Variants in HAUS6 observed in about 807,000 individuals in gnomAD.
HAUS6 encodes HAUS augmin like complex subunit 6.
A neutral mutation model predicts 106.8 loss-of-function variants in HAUS6; 80 were observed. The observed-to-expected ratio is 0.75, with a 90% CI of 0.63 to 0.90. HAUS6 has a LOEUF of 0.90. Ranked by LOEUF, HAUS6 falls within the 40% of genes least tolerant of loss-of-function variation. The pLI is 0.00. For missense variants in HAUS6, 1,155 were observed against 1,118.1 expected, an observed-to-expected ratio of 1.03 and a Z score of -0.47; for synonymous variants, 356 against 379.1, an observed-to-expected ratio of 0.94 and a Z score of 0.71.
chr9:19,084,149 T>G (rs1837229544), intron 7 of HAUS6, among the ~76,000 whole-genome samples: 1 of 151,906 alleles, frequency 6.6e-6, no homozygotes, highest in South Asian at 2.1e-4. Context: ...AAGGGTACAT[T>G]GGTGCTATAT....
chr9:19,064,250 A>G (rs1320582591), intron 12 of HAUS6, among the ~76,000 whole-genome samples: 1 of 152,182 alleles, frequency 6.6e-6, no homozygotes, highest in African/African-American at 2.4e-5. Flanking sequence ...TACAGGTGTG[A>G]GCCACCACAC....
At chr9:19,092,069 G>T (rs1456676072) in intron 4 of HAUS6, among the ~76,000 whole-genome samples, 1 of 152,030 alleles carries the variant, frequency 6.6e-6, no homozygotes. Flanking sequence ...GATTCCACTG[G>T]AACCTATCAG....
intron 5 of HAUS6, among the ~76,000 whole-genome samples, chr9:19,089,088 C>T (rs566500099): frequency 2.0e-5 from 3 of 151,982 alleles, no homozygotes; most frequent in African/African-American, 7.2e-5. Context: ...ATTAAAAATA[C>T]AAAAATTAGC....
In HAUS6 at chr9:19,060,235, A is replaced by T; in HGVS notation, c.1630-12T>A. ...ACTGCTCTGGCAACCTAAAACAGAAAAGAAAAAGTAAAGCAAAGATTACCA... is the reference window on the plus strand; with the variant it reads ...ACTGCTCTGGCAACCTAAAACAGAATAGAAAAAGTAAAGCAAAGATTACCA... On this transcript the variant is annotated splice_polypyrimidine_tract_variant and intron_variant, in intron 14 of 16. Coordinates refer to ENST00000380502, the MANE Select transcript of HAUS6 (RefSeq NM_017645.5). 6.6e-7 allele frequency: 1 copy of T among 1,514,186 alleles called. No homozygotes were observed. Among genetic ancestry groups the T allele is most frequent in the Non-Finnish European group, 8.8e-7 (1 of 1,134,872 alleles). The allele number at this position is 1,514,186 out of a possible 1,614,324, so 93.8% of individuals were successfully genotyped here.
chr9:19,080,446 C>T, intron 9 of HAUS6, 33 bp downstream of exon 9: 1 of 1,434,968 alleles, frequency 7.0e-7, no homozygotes, highest in Non-Finnish European at 9.8e-7. Context: ...CCCTACTCCT[C>T]CCACAGTAAA....
chr9:19,080,174 C>CCAA (rs1554689922), intron 9 of HAUS6, among the ~76,000 whole-genome samples: 1 of 37,592 alleles, frequency 2.7e-5, no homozygotes, highest in African/African-American at 8.9e-5. Context: ...AACTCCGTCT[C>CCAA]AAAAAAAAAA....
intron 7 of HAUS6, 53 bp from the exon 8 acceptor site, chr9:19,083,096 T>G (rs1564016333): frequency 1.9e-6 from 2 of 1,066,212 alleles, no homozygotes; most frequent in Non-Finnish European, 2.6e-6. Flanking sequence ...GTACATATTT[T>G]AAAAATGTAA....
At position 19,102,640 on chromosome 9, in the gene HAUS6, G is replaced by A; in HGVS notation, c.12C>T (p.Ala4=). 1.9e-6 allele frequency: 3 copies of A among 1,612,254 alleles called. No homozygotes were observed. The highest frequency in any genetic ancestry group is 1.7e-6 in the Non-Finnish European group (2 of 1,179,068). Residue 4 remains alanine (A), a synonymous_variant, in exon 1 of 17, where the codon GCC becomes GCT. Transcript: ENST00000380502. ...GCTCCTTCTCGAAAGCGGTGACCGA[G>A]GCCGAGCTCATCCTCGCGGTAGGCA... MSS[A]SVTAFEKEHL...
At chr9:19,080,746 T>C (rs1052198698) in intron 8 of HAUS6, 74 bp from the exon 9 acceptor site, 21 of 816,184 alleles carry the variant, frequency 2.6e-5, no homozygotes, top group Non-Finnish European at 3.9e-5. Flanking sequence ...AAAATATTTA[T>C]GTTTTTTACT....
intron 8 of HAUS6, 122 bp downstream of exon 8, chr9:19,082,751 C>CA (rs537493577): frequency 0.027 from 13,048 of 483,876 alleles, 1 homozygote; most frequent in East Asian, 0.041. Context: ...AATTCTGTCT[C>CA]AAAAAAAAAA....
In HAUS6 at chr9:19,058,040, T is replaced by A. The variant is rs1371441938; in HGVS notation, c.2727A>T (p.Pro909=). The A allele has an allele frequency of 6.2e-7, 1 of 1,612,432 alleles. No homozygotes were observed. Among genetic ancestry groups the A allele is most frequent in the Non-Finnish European group, 8.5e-7 (1 of 1,178,430 alleles). The change falls in exon 16 of 17, where the codon CCA becomes CCT. Residue 909 remains proline (P), a synonymous_variant. Coordinates refer to ENST00000380502, the MANE Select transcript of HAUS6 (RefSeq NM_017645.5). Reference sequence around the variant, plus strand: ...GTTCCACTGGAGAAAACTTAATTAGTGGTGAAAGAGACCGTTTTCTTTCAC... The same window carrying A: ...GTTCCACTGGAGAAAACTTAATTAGAGGTGAAAGAGACCGTTTTCTTTCAC... ...SIGERKRSLS[P]LIKFSPVEQR...
At chr9:19,096,909 C>T in intron 1 of HAUS6, 140 bp from the exon 2 acceptor site, 1 of 470,658 alleles carries the variant, frequency 2.1e-6, no homozygotes, top group Non-Finnish European at 3.8e-6. Flanking sequence ...TTTTCTCATT[C>T]ATGTGTATTT....
At chr9:19,101,819 C>G (rs944555818) in intron 1 of HAUS6, among the ~76,000 whole-genome samples, 1 of 151,976 alleles carries the variant, frequency 6.6e-6, no homozygotes, top group Non-Finnish European at 1.5e-5. Flanking sequence ...ACTCGGGAGG[C>G]TGAGGCAGGA....
At chr9:19,096,102 T>A (rs779790852) in intron 2 of HAUS6, among the ~76,000 whole-genome samples, 1 of 152,152 alleles carries the variant, frequency 6.6e-6, no homozygotes, top group East Asian at 1.9e-4. Flanking sequence ...GTAAATAAAA[T>A]GTTAAGAAAT....
intron 1 of HAUS6, 140 bp downstream of exon 1, chr9:19,102,384 G>C: frequency 1.1e-6 from 1 of 924,468 alleles, no homozygotes; most frequent in Non-Finnish European, 1.6e-6. Context: ...ACTGGGAGTA[G>C]GAACTTTGGA....
chr9:19,101,143 T>C (rs979301108), intron 1 of HAUS6, among the ~76,000 whole-genome samples: 1 of 152,218 alleles, frequency 6.6e-6, no homozygotes, highest in Non-Finnish European at 1.5e-5. Flanking sequence ...GCTATCCCAT[T>C]TATCCTGATC....
At chr9:19,092,916 C>CAAAAAAA (rs71494998) in intron 4 of HAUS6, among the ~76,000 whole-genome samples, 2 of 76,228 alleles carry the variant, frequency 2.6e-5, no homozygotes, top group African/African-American at 4.2e-5. Context: ...AACTGTGTCT[C>CAAAAAAA]AAAAAAAAAA....
chr9:19,085,551 T>C (rs974297599), intron 7 of HAUS6, among the ~76,000 whole-genome samples: 2 of 150,344 alleles, frequency 1.3e-5, no homozygotes, highest in Non-Finnish European at 2.9e-5. Context: ...GCCAAATTTA[T>C]ACCCACAGCA....
chr9:19,064,085 A>G (rs1836704941), intron 12 of HAUS6, among the ~76,000 whole-genome samples: 1 of 151,478 alleles, frequency 6.6e-6, no homozygotes, highest in African/African-American at 2.4e-5. Flanking sequence ...CTCCTGCCTC[A>G]GCCTCCTGAG....
Sources: gnomAD v4.1 joint callset for allele counts (sites outside exome capture counted in the v4.1 genomes callset) on GRCh38, gnomAD v4.1.1 for gene constraint, MANE v1.5 for transcripts, NCBI Gene and HGNC (gene_info 2026-07-23, HGNC 2026-07-21) for gene names.